The following ST6GALNAC1 variants were observed in gnomAD, a reference collection of about 807,000 sequenced individuals.
The protein encoded by ST6GALNAC1 is ST6 N-acetylgalactosaminide alpha-2,6-sialyltransferase 1, also known as alpha-N-acetylgalactosaminide alpha-2,6-sialyltransferase 1.
ST6GALNAC1 carries 45 observed loss-of-function variants against 56.8 expected under a neutral mutation model. The observed-to-expected ratio is 0.79, with a 90% CI of 0.62 to 1.02. The LOEUF (loss-of-function observed/expected upper bound fraction) is 1.02. ST6GALNAC1 is among the 50% of genes least tolerant of loss of function. ST6GALNAC1 has a pLI of 0.00. For synonymous variants in ST6GALNAC1, 295 were observed against 297.8 expected (o/e 0.99, Z 0.10); for missense variants, 743 against 754.8 (o/e 0.98, Z 0.18).
chr17:76,620,156 T>G (rs2075726641), downstream of ST6GALNAC1, among the ~76,000 whole-genome samples: 1 of 152,122 alleles, frequency 6.6e-6, no homozygotes. Context: ...TTCTTCTGCC[T>G]CAGCCTCATG....
Position 76,625,711 on chromosome 17 carries a change from CCAG to C in ST6GALNAC1, c.1605+105_1605+107del, listed in dbSNP as rs1025607380. ...CCCATACTCATGCCCACCCTCTTTCCCAGCAGATGTGGGCACCCAGCCCATGCA... is the reference window on the plus strand; with the variant it reads ...CCCATACTCATGCCCACCCTCTTTCCCAGATGTGGGCACCCAGCCCATGCA... On this transcript the variant is annotated intron_variant, in intron 8 of 8. Coordinates refer to ENST00000156626, the MANE Select transcript of ST6GALNAC1 (RefSeq NM_018414.5). 3 of 1,186,686 alleles carry C rather than the reference CCAG, an allele frequency of 2.5e-6. No individual in the cohort carries two copies. The African/African-American group carries it at 4.6e-5, about 18-fold the overall frequency. The allele number at this position is 1,186,686 out of a possible 1,614,324, so 73.5% of individuals were successfully genotyped here.
chr17:76,643,640 G>A lies in ST6GALNAC1; in HGVS notation c.-2C>T. On this transcript the variant is annotated 5_prime_UTR_variant, in exon 1 of 9. Coordinates refer to ENST00000156626, the MANE Select transcript of ST6GALNAC1 (RefSeq NM_018414.5). ...GCATCTCCACAGGCAGGACCTCATG[G>A]TGGTGGGTCGGGTTCTAGAGGAAGG... 2 of 1,613,810 alleles carry A rather than the reference G, an allele frequency of 1.2e-6. No homozygotes were observed. Among genetic ancestry groups the A allele is most frequent in the Non-Finnish European group, 1.7e-6 (2 of 1,179,834 alleles).
At chr17:76,643,450 A>ATT in intron 1 of ST6GALNAC1, 58 bp downstream of exon 1, 6 of 1,596,404 alleles carry the variant, frequency 3.8e-6, no homozygotes, top group Non-Finnish European at 5.1e-6. Context: ...CTGGGCTATC[A>ATT]TTTTTCTGTT....
intron 1 of ST6GALNAC1, among the ~76,000 whole-genome samples, chr17:76,634,133 G>A (rs866938198): frequency 6.6e-5 from 10 of 152,198 alleles, no homozygotes; most frequent in Non-Finnish European, 1.3e-4. Context: ...GAGAGCGAGC[G>A]GAAGTGGCTG....
rs772868555 is a variant in ST6GALNAC1 at position 76,629,060 on chromosome 17, C to T, written c.783G>A (p.Arg261=). ...AGCTGTATTTTTCCTCAAAATCCCA[C>T]CGAGGCTCAGATTTGAAGTTGGCGG... The part of the protein sequence containing the change: ...LKAANFKSEP[R]WDFEEKYSFE... The change falls in exon 2 of 9, where the codon CGG becomes CGA. Residue 261 remains arginine, a synonymous_variant. Coordinates refer to ENST00000156626, the MANE Select transcript of ST6GALNAC1 (RefSeq NM_018414.5). The T allele has an allele frequency of 1.3e-6, 2 of 1,558,524 alleles. No individual in the cohort carries two copies. Among genetic ancestry groups the T allele is most frequent in the South Asian group, 2.4e-5 (2 of 83,436 alleles).
chr17:76,619,784 C>T (rs1327586112), downstream of ST6GALNAC1, among the ~76,000 whole-genome samples: 8 of 128,514 alleles, frequency 6.2e-5, no homozygotes, highest in African/African-American at 1.2e-4. Flanking sequence ...CTCACTCTGT[C>T]GCCAGGCTGG....
chr17:76,626,776 G>A lies in ST6GALNAC1; in HGVS notation c.1186C>T (p.Leu396Phe). 1 of 1,614,158 alleles carries A rather than the reference G, an allele frequency of 6.2e-7. No homozygotes were observed. The highest frequency in any genetic ancestry group is 8.5e-7 in the Non-Finnish European group (1 of 1,180,052). ...HDYVFRLSGA[L>F]IKGYEQDVGT... ...ACATCCTGTTCGTAGCCTTTAATGA[G>A]AGCTCCGCTCAATCTGTGCAGAAAG... The change falls in exon 5 of 9, where the codon CTC becomes TTC. Residue 396 changes from leucine to phenylalanine, a missense_variant. By Grantham distance (22) the Leu-to-Phe change is conservative. Transcript: ENST00000156626.
chr17:76,623,305 CAT>C (rs984320173), downstream of ST6GALNAC1, among the ~76,000 whole-genome samples: 2 of 152,208 alleles, frequency 1.3e-5, no homozygotes, highest in Non-Finnish European at 2.9e-5. Context: ...AGACCTCTCT[CAT>C]AGCTTTTCTT....
rs751642992 is a variant in ST6GALNAC1, at chr17:76,625,352, C to A, written c.1781G>T (p.Gly594Val). 1 of 1,613,540 alleles carries A rather than the reference C, an allele frequency of 6.2e-7. No individual in the cohort carries two copies. The highest frequency in any genetic ancestry group is 1.7e-5 in the Admixed American group (1 of 60,008). Residue 594 changes from glycine (G) to valine (V), a missense_variant, in exon 9 of 9, where the codon GGA becomes GTA. Physicochemically the swap from Gly to Val is moderately radical, Grantham distance 109. Transcript: ENST00000156626. ...CGGTCAGTTCTTGGCTTTGGCAGTT[C>A]CGGGACCAGGACGCTGGTACAGCCG... ...IIRLYQRPGP[G>V]TAKAKN
intron 1 of ST6GALNAC1, among the ~76,000 whole-genome samples, chr17:76,640,922 A>T (rs538726128): frequency 3.9e-5 from 6 of 152,174 alleles, no homozygotes; most frequent in East Asian, 3.9e-4. Context: ...AGATGTATGT[A>T]AAAAAAACCC....
Sources: allele counts gnomAD v4.1 joint callset (sites outside exome capture counted in the v4.1 genomes callset), GRCh38; gene constraint gnomAD v4.1.1; transcripts MANE v1.5; gene names NCBI Gene and HGNC (gene_info 2026-07-23, HGNC 2026-07-21).